SLF1: variants seen among roughly 807,000 people sequenced by gnomAD.
SLF1 encodes SMC5/6 complex localization factor 1.
SLF1 carries 105 observed loss-of-function variants against 123.0 expected under a neutral mutation model. The observed-to-expected ratio is 0.85, with a 90% confidence interval of 0.73 to 1.00. The LOEUF (loss-of-function observed/expected upper bound fraction) is 1.00, where lower values mean the gene tolerates loss of function less well. Among genes scored for constraint, SLF1 ranks in the 50% least tolerant of loss-of-function variants. The pLI is 0.00. For synonymous variants in SLF1, 434 were observed against 406.6 expected, an observed-to-expected ratio of 1.07 and a Z score of -0.81; for missense variants, 1,239 against 1,223.0, an observed-to-expected ratio of 1.01 and a Z score of -0.20.
chr5:94,662,172 A>G, intron 9 of SLF1, 126 bp from the exon 10 acceptor site: 3 of 620,832 alleles, frequency 4.8e-6, no homozygotes, highest in Admixed American at 3.8e-5. Context: ...TATGAGTATC[A>G]TATTAATTAT....
chr5:94,649,039 G>C (rs974931419), intron 5 of SLF1, among the ~76,000 whole-genome samples: 1 of 152,044 alleles, frequency 6.6e-6, no homozygotes, highest in African/African-American at 2.4e-5. Context: ...CTCTCTATGT[G>C]GGGTATACTT....
At position 94,639,607 on chromosome 5, in the gene SLF1, T is replaced by C. The variant is rs549333585; in HGVS notation, c.432-3666T>C. Among the ~76,000 whole-genome samples, 15 of 152,344 alleles carry C rather than the reference T, an allele frequency of 9.8e-5. No homozygotes were observed. The East Asian group carries it at 2.9e-3, about 29-fold the overall frequency. ...GACCCCCTGTGCAGTTGAAAATTCA[T>C]GTATAACTTGACTCCCCAAAAACAT... On this transcript the variant is annotated intron_variant, in intron 4 of 20. Transcript: ENST00000265140.
intron 4 of SLF1, among the ~76,000 whole-genome samples, chr5:94,640,227 T>C (rs1298931249): frequency 1.3e-5 from 2 of 152,156 alleles, no homozygotes; most frequent in African/African-American, 4.8e-5. Flanking sequence ...TGAGAAGGTG[T>C]TTATTTTTGG....
intron 12 of SLF1, among the ~76,000 whole-genome samples, chr5:94,668,039 T>C (rs1750011014): frequency 6.6e-6 from 1 of 151,866 alleles, no homozygotes; most frequent in Non-Finnish European, 1.5e-5. Flanking sequence ...TGAGCCACCA[T>C]GCCTCACTGC....
intron 4 of SLF1, 139 bp downstream of exon 4, chr5:94,630,882 A>G: frequency 1.1e-6 from 1 of 907,862 alleles, no homozygotes; most frequent in East Asian, 2.7e-5. Flanking sequence ...GTAAGCCATT[A>G]TGCTCGTTTA....
intron 18 of SLF1, 158 bp from the exon 19 acceptor site, chr5:94,691,406 G>T: frequency 1.1e-5 from 3 of 266,412 alleles, no homozygotes; most frequent in Non-Finnish European, 1.4e-5. Context: ...CCCCACCCCC[G>T]CCTTTTTAAA....
At chr5:94,637,642 G>T (rs946677532) in intron 4 of SLF1, among the ~76,000 whole-genome samples, 7 of 152,130 alleles carry the variant, frequency 4.6e-5, no homozygotes, top group African/African-American at 1.7e-4. Context: ...GGTGGGCTTT[G>T]AAGCTAAGCT....
chr5:94,688,881 A>G (rs547656421), intron 17 of SLF1, among the ~76,000 whole-genome samples: 1 of 152,370 alleles, frequency 6.6e-6, no homozygotes, highest in African/African-American at 2.4e-5. Flanking sequence ...AAAACTGCTC[A>G]TCAAATTATT....
At chr5:94,675,828 AT>A (rs2152492171) in intron 14 of SLF1, among the ~76,000 whole-genome samples, 1 of 151,746 alleles carries the variant, frequency 6.6e-6, no homozygotes, top group Admixed American at 6.6e-5. Flanking sequence ...TAAGCAATAT[AT>A]TAATATTCTA....
chr5:94,646,024 G>A (rs778771508), intron 5 of SLF1, among the ~76,000 whole-genome samples: 46 of 152,190 alleles, frequency 3.0e-4, no homozygotes, highest in Non-Finnish European at 5.3e-4. Flanking sequence ...GCTGAGGCAG[G>A]AGGATCACTT....
chr5:94,643,184 C>T (rs1373294455), intron 4 of SLF1, 89 bp from the exon 5 acceptor site: 11 of 1,059,562 alleles, frequency 1.0e-5, no homozygotes, highest in Middle Eastern at 3.1e-4. Flanking sequence ...AAAGTCCATT[C>T]GTACTCCTAA....
chr5:94,626,872 A>G (rs1792295560), intron 1 of SLF1, among the ~76,000 whole-genome samples: 1 of 152,212 alleles, frequency 6.6e-6, no homozygotes, highest in African/African-American at 2.4e-5. Context: ...AGCTTCTCCA[A>G]CGAAATGGGG....
intron 4 of SLF1, among the ~76,000 whole-genome samples, chr5:94,632,957 G>A (rs1745365927): frequency 6.6e-6 from 1 of 151,426 alleles, no homozygotes; most frequent in African/African-American, 2.4e-5. Context: ...CTAGAGTGGT[G>A]GAATTACAGG....
At chr5:94,647,359 A>T (rs2152476580) in intron 5 of SLF1, among the ~76,000 whole-genome samples, 1 of 152,332 alleles carries the variant, frequency 6.6e-6, no homozygotes, top group Non-Finnish European at 1.5e-5. Flanking sequence ...TAATCAGTTC[A>T]TTCAAGTTGT....
At chr5:94,642,423 C>CTTTACTTAATT (rs1168539941) in intron 4 of SLF1, among the ~76,000 whole-genome samples, 5 of 152,130 alleles carry the variant, frequency 3.3e-5, no homozygotes, top group Non-Finnish European at 7.4e-5. Context: ...ATTTTGTAAA[C>CTTTACTTAATT]TTTACTTAAT....
intron 12 of SLF1, among the ~76,000 whole-genome samples, chr5:94,668,017 G>A (rs1297360050): frequency 6.6e-6 from 1 of 152,146 alleles, no homozygotes; most frequent in African/African-American, 2.4e-5. Context: ...CAAAGTGCCA[G>A]GATTAAAGGC....
At chr5:94,671,754 A>G (rs1750487283) in intron 14 of SLF1, among the ~76,000 whole-genome samples, 1 of 150,902 alleles carries the variant, frequency 6.6e-6, no homozygotes. Flanking sequence ...GTTGAGTACA[A>G]CTTGACATTC....
chr5:94,620,565 T>G (rs1791685585), intron 1 of SLF1, among the ~76,000 whole-genome samples: 1 of 152,216 alleles, frequency 6.6e-6, no homozygotes, highest in African/African-American at 2.4e-5. Context: ...CTTGATTATA[T>G]TACCCTAAAG....
chr5:94,670,376 T>C lies in SLF1; in HGVS notation c.1661+97T>C, dbSNP rs1750303872. 6.1e-6 allele frequency: 6 copies of C among 981,198 alleles called. No individual in the cohort carries two copies. In the South Asian group the frequency reaches 1.4e-4, roughly 22 times the overall value. The allele number at this position is 981,198 out of a possible 1,614,324, so 60.8% of individuals were successfully genotyped here. A position where few individuals can be genotyped will look rare whatever the true frequency, so the allele number is the denominator to read the frequency against. ...TTATTATAAATATATTTCTAAAAAGTCACCTTATTTTCTATTTTAAGATAG... is the reference window on the plus strand; with the variant it reads ...TTATTATAAATATATTTCTAAAAAGCCACCTTATTTTCTATTTTAAGATAG... On this transcript the variant is annotated intron_variant, in intron 13 of 20. Transcript: ENST00000265140.
Sources: allele counts gnomAD v4.1 joint callset (sites outside exome capture counted in the v4.1 genomes callset), GRCh38; gene constraint gnomAD v4.1.1; transcripts MANE v1.5; gene names NCBI Gene and HGNC (gene_info 2026-07-23, HGNC 2026-07-21).